The following NCOA2 variants were observed in gnomAD, a reference collection of about 807,000 sequenced individuals.
The protein encoded by NCOA2 is class E basic helix-loop-helix protein 75.
In NCOA2, 21 loss-of-function variants were observed where a neutral mutation model predicts 145.1. The observed-to-expected ratio is 0.14, with a 90% CI of 0.10 to 0.21. The LOEUF is 0.21. Ranked by LOEUF, NCOA2 falls within the 10% of genes least tolerant of loss-of-function variation. The pLI is 1.00. For missense variants in NCOA2, 1,472 were observed against 1,837.6 expected (o/e 0.80, Z 3.64); for synonymous variants, 619 against 637.5 (o/e 0.97, Z 0.44).
intron 4 of NCOA2, among the ~76,000 whole-genome samples, chr8:70,208,972 C>A (rs1818746686): frequency 6.6e-6 from 1 of 152,184 alleles, no homozygotes; most frequent in African/African-American, 2.4e-5. Flanking sequence ...GTGTATCTGC[C>A]ACAGGCAGTG....
chr8:70,323,112 A>G (rs1225866882), intron 1 of NCOA2, among the ~76,000 whole-genome samples: 2 of 152,194 alleles, frequency 1.3e-5, no homozygotes, highest in African/African-American at 4.8e-5. Context: ...TGGCTATGCT[A>G]AACACTTAGG....
At chr8:70,349,965 G>T (rs1809020250) in intron 1 of NCOA2, among the ~76,000 whole-genome samples, 1 of 151,764 alleles carries the variant, frequency 6.6e-6, no homozygotes, top group Non-Finnish European at 1.5e-5. Flanking sequence ...TTCATCCAAG[G>T]TCCCATTTTA....
chr8:70,110,033 G>A lies in NCOA2; in HGVS notation c.*3599C>T, dbSNP rs1806405448. The stretch of plus-strand genomic sequence containing the variant: ...CCATTTTGAAAATAAATCACAACCT[G>A]AAACACTGTAAGCTTTCTCCTGAAG... On this transcript the variant is annotated 3_prime_UTR_variant, in exon 23 of 23. Coordinates refer to ENST00000452400, the MANE Select transcript of NCOA2 (RefSeq NM_006540.4). 1 of 195,098 alleles carries A rather than the reference G, an allele frequency of 5.1e-6. No individual in the cohort carries two copies. The highest frequency in any genetic ancestry group is 1.1e-5 in the Non-Finnish European group (1 of 93,814). 12.1% of individuals were successfully genotyped at this position (195,098 alleles called of 1,614,324 possible).
intron 1 of NCOA2, among the ~76,000 whole-genome samples, chr8:70,375,562 C>T (rs938650543): frequency 2.6e-5 from 4 of 152,148 alleles, no homozygotes; most frequent in African/African-American, 9.7e-5. Flanking sequence ...TATTTCAACA[C>T]ATTTGTAATA....
the NCOA2 span, among the ~76,000 whole-genome samples, chr8:70,416,844 ATC>A: frequency 6.6e-6 from 1 of 152,204 alleles, no homozygotes; most frequent in African/African-American, 2.4e-5. Context: ...CATTAGGCTC[ATC>A]TCCCAACACT....
chr8:70,327,982 A>G (rs1806747105), intron 1 of NCOA2, among the ~76,000 whole-genome samples: 1 of 152,210 alleles, frequency 6.6e-6, no homozygotes, highest in Non-Finnish European at 1.5e-5. Flanking sequence ...GATCACCAGG[A>G]ATGCAGTACC....
chr8:70,367,410 T>C (rs943733491), intron 1 of NCOA2, among the ~76,000 whole-genome samples: 1 of 152,214 alleles, frequency 6.6e-6, no homozygotes. Flanking sequence ...TTTTTTCCTT[T>C]TTTCCTCAGG....
chr8:70,242,125 A>G (rs1396744055), intron 2 of NCOA2, among the ~76,000 whole-genome samples: 1 of 152,160 alleles, frequency 6.6e-6, no homozygotes, highest in African/African-American at 2.4e-5. Flanking sequence ...ACTTAAACAT[A>G]AGCCTCATAG....
chr8:70,182,897 A>G (rs1263805088), intron 4 of NCOA2, among the ~76,000 whole-genome samples: 1 of 152,234 alleles, frequency 6.6e-6, no homozygotes, highest in African/African-American at 2.4e-5. Flanking sequence ...ACCCATGGAA[A>G]CATGGCTTCA....
At chr8:70,298,877 C>T (rs936914279) in intron 1 of NCOA2, among the ~76,000 whole-genome samples, 4 of 151,950 alleles carry the variant, frequency 2.6e-5, no homozygotes, top group Non-Finnish European at 5.9e-5. Flanking sequence ...CCGGCTAACA[C>T]GGTGAAACCC....
intron 2 of NCOA2, among the ~76,000 whole-genome samples, chr8:70,247,070 C>T (rs1385687885): frequency 6.6e-6 from 1 of 152,110 alleles, no homozygotes; most frequent in Non-Finnish European, 1.5e-5. Flanking sequence ...TCCAAAACTC[C>T]TAGTTTACTC....
Position 70,128,452 on chromosome 8 carries a change from C to T in NCOA2, c.3662G>A (p.Arg1221Lys). Residue 1221 changes from arginine to lysine, a missense_variant, in exon 18 of 23, where the codon AGG (arginine) becomes AAG (lysine). By Grantham distance (26) the Arg-to-Lys change is conservative. Coordinates refer to ENST00000452400, the MANE Select transcript of NCOA2 (RefSeq NM_006540.4). ...SNVSNVNLTL[R>K]PGVPTQAPIN... is the part of the protein sequence containing the mutation. ...CCTTACCTGTGTTGGTACTCCAGGC[C>T]TCAGAGTCAAGTTCACATTGGAAAC... 6.2e-7 allele frequency: 1 copy of T among 1,612,682 alleles called. No homozygotes were observed. Among genetic ancestry groups the T allele is most frequent in the African/African-American group, 1.3e-5 (1 of 75,024 alleles).
intron 1 of NCOA2, among the ~76,000 whole-genome samples, chr8:70,345,877 GTCCAA>G (rs1314300907): frequency 1.3e-5 from 2 of 152,124 alleles, no homozygotes; most frequent in African/African-American, 4.8e-5. Context: ...AGGGTCCCAT[GTCCAA>G]CAATCCTCCC....
In NCOA2 at chr8:70,156,657, T is replaced by C; in HGVS notation, c.1708A>G (p.Asn570Asp). The C allele has an allele frequency of 6.2e-7, 1 of 1,613,924 alleles. No individual in the cohort carries two copies. Among genetic ancestry groups the C allele is most frequent in the Non-Finnish European group, 8.5e-7 (1 of 1,179,878 alleles). Reference protein sequence around the residue: ...GNLQNSPVNMNPPPLSKMGSL... With the variant: ...GNLQNSPVNMDPPPLSKMGSL... Reference sequence around the variant, plus strand: ...CCCATCTTGCTGAGTGGGGGAGGATTCATATTAACTGGGGAGTTTTGCAAA... The same window carrying C: ...CCCATCTTGCTGAGTGGGGGAGGATCCATATTAACTGGGGAGTTTTGCAAA... Residue 570 changes from asparagine to aspartate, a missense_variant, in exon 11 of 23, where the codon AAT (asparagine) becomes GAT (aspartate). This residue lies in a region of NCOA2 where 953 missense variants were observed against 1,062.1 expected (regional missense o/e 0.90). Coordinates refer to ENST00000452400, the MANE Select transcript of NCOA2 (RefSeq NM_006540.4).
At chr8:70,384,046 T>G (rs1313857147) in intron 1 of NCOA2, among the ~76,000 whole-genome samples, 2 of 152,202 alleles carry the variant, frequency 1.3e-5, no homozygotes, top group African/African-American at 4.8e-5. Flanking sequence ...GGCAAACCTC[T>G]GTAAAATGTG....
chr8:70,284,493 A>T (rs1826101484), intron 2 of NCOA2, among the ~76,000 whole-genome samples: 1 of 152,204 alleles, frequency 6.6e-6, no homozygotes, highest in African/African-American at 2.4e-5. Context: ...AGCTCTCATG[A>T]TACTCATTTG....
chr8:70,127,577 G>A (rs1443362721), intron 18 of NCOA2, among the ~76,000 whole-genome samples: 1 of 152,120 alleles, frequency 6.6e-6, no homozygotes, highest in African/African-American at 2.4e-5. Flanking sequence ...GGGAGGAAAG[G>A]CAGGATGGAT....
intron 1 of NCOA2, among the ~76,000 whole-genome samples, chr8:70,358,752 T>G (rs908062212): frequency 2.0e-4 from 30 of 152,114 alleles, no homozygotes; most frequent in African/African-American, 7.2e-4. Flanking sequence ...TTATCAAAAT[T>G]TAAAGTGTGT....
At chr8:70,144,590 C>A (rs997614175) in intron 13 of NCOA2, 52 bp downstream of exon 13, 1 of 1,421,108 alleles carries the variant, frequency 7.0e-7, no homozygotes, top group Non-Finnish European at 9.9e-7. Flanking sequence ...GATAAATATA[C>A]CATTAAATTA....
Sources: gnomAD v4.1 joint callset for allele counts (sites outside exome capture counted in the v4.1 genomes callset) on GRCh38, gnomAD v4.1.1 for gene constraint, gnomAD v4.1.1 regional missense constraint, MANE v1.5 for transcripts, NCBI Gene and HGNC (gene_info 2026-07-23, HGNC 2026-07-21) for gene names.